EYS: variants seen among roughly 807,000 people sequenced by gnomAD.
EYS encodes EGF-like photoreceptor maintenance factor.
Under a neutral mutation model 282.1 loss-of-function variants are expected in EYS, and 250 were observed. That is an observed-to-expected ratio of 0.89 (90% CI 0.80 to 0.98). The LOEUF (loss-of-function observed/expected upper bound fraction) is 0.98. EYS is among the 50% of genes least tolerant of loss of function. EYS has a pLI of 0.00. For missense variants in EYS, 4,016 were observed against 3,709.0 expected (o/e 1.08, Z -2.15); for synonymous variants, 1,355 against 1,282.9 (o/e 1.06, Z -1.20).
chr6:65,357,428 T>C (rs1764529885), intron 8 of EYS, among the ~76,000 whole-genome samples: 1 of 151,962 alleles, frequency 6.6e-6, no homozygotes, highest in Admixed American at 6.6e-5. Context: ...ATGCAATCTA[T>C]TGAGTGAATA....
At chr6:64,363,218 T>C (rs1010600959) in intron 29 of EYS, among the ~76,000 whole-genome samples, 2 of 151,950 alleles carry the variant, frequency 1.3e-5, no homozygotes, top group Non-Finnish European at 2.9e-5. Flanking sequence ...GTCGATTTAA[T>C]CAACACTGAG....
chr6:64,430,654 T>C (rs774324860), intron 28 of EYS, among the ~76,000 whole-genome samples: 5 of 152,178 alleles, frequency 3.3e-5, no homozygotes, highest in Non-Finnish European at 5.9e-5. Flanking sequence ...ATCTTGTTTA[T>C]TCCACTTTGT....
intron 30 of EYS, among the ~76,000 whole-genome samples, chr6:64,245,417 C>T (rs548777348): frequency 5.4e-5 from 8 of 149,384 alleles, no homozygotes; most frequent in East Asian, 3.9e-4. Context: ...TGGGCTCAAG[C>T]GATCCTCTTA....
Position 64,945,863 on chromosome 6 carries a change from C to A in EYS, c.2311G>T (p.Glu771Ter), listed in dbSNP as rs760375583. The A allele has an allele frequency of 6.5e-7, 1 of 1,549,024 alleles. No homozygotes were observed. The highest frequency in any genetic ancestry group is 2.0e-5 in the Admixed American group (1 of 50,912). ...SDWEGNFCEQ[E>*]SNECKMNPCK... ...GGATTCATTTTACACTCATTGGATTCTTGTTCACAAAAATTTCCTTCCCAA... is the reference window on the plus strand; with the variant it reads ...GGATTCATTTTACACTCATTGGATTATTGTTCACAAAAATTTCCTTCCCAA... Residue 771 changes from glutamate to a stop codon, truncating the protein, a stop_gained, in exon 15 of 43, where the codon GAA becomes TAA. Coordinates refer to ENST00000503581, the MANE Select transcript of EYS (RefSeq NM_001142800.2). LOFTEE classifies it high-confidence loss of function.
intron 22 of EYS, among the ~76,000 whole-genome samples, chr6:64,777,339 TAA>T (rs1209290715): frequency 2.0e-5 from 3 of 152,138 alleles, no homozygotes; most frequent in Non-Finnish European, 4.4e-5. Flanking sequence ...AAGCACTTGA[TAA>T]ATAATGACCC....
intron 14 of EYS, among the ~76,000 whole-genome samples, chr6:64,958,376 C>T (rs571733787): frequency 1.7e-4 from 25 of 151,338 alleles, no homozygotes; most frequent in Non-Finnish European, 3.2e-4. Flanking sequence ...AGTGAGACTC[C>T]ATCTCAAAAA....
intron 13 of EYS, among the ~76,000 whole-genome samples, chr6:65,034,232 T>A (rs1349364358): frequency 6.6e-6 from 1 of 152,160 alleles, no homozygotes; most frequent in Middle Eastern, 3.2e-3. Flanking sequence ...CAGGATCACA[T>A]GTAGAAGGGA....
At chr6:64,240,813 C>A (rs918636449) in intron 30 of EYS, among the ~76,000 whole-genome samples, 1 of 152,130 alleles carries the variant, frequency 6.6e-6, no homozygotes, top group Non-Finnish European at 1.5e-5. Context: ...TGAGAGAGGG[C>A]AGCCTTGTCT....
intron 36 of EYS, among the ~76,000 whole-genome samples, chr6:63,832,251 C>A (rs994829374): frequency 7.9e-5 from 12 of 152,016 alleles, no homozygotes; most frequent in South Asian, 2.1e-4. Flanking sequence ...ACACAAAAAA[C>A]CCTTCAAAAA....
intron 26 of EYS, among the ~76,000 whole-genome samples, chr6:64,552,995 C>A (rs1765132539): frequency 6.6e-6 from 1 of 150,678 alleles, no homozygotes; most frequent in South Asian, 2.1e-4. Flanking sequence ...CCTCCCTACC[C>A]ACTTCAAGTT....
At chr6:65,174,183 C>A in intron 12 of EYS, among the ~76,000 whole-genome samples, 1 of 151,110 alleles carries the variant, frequency 6.6e-6, no homozygotes. Context: ...TTATAATGAC[C>A]ACTTTCTTAT....
intron 22 of EYS, among the ~76,000 whole-genome samples, chr6:64,714,175 T>C (rs1771297974): frequency 6.6e-6 from 1 of 152,204 alleles, no homozygotes; most frequent in Non-Finnish European, 1.5e-5. Context: ...AAATGTTTGA[T>C]AGACAATGAC....
At chr6:63,824,670 G>C (rs1771411147) in intron 36 of EYS, among the ~76,000 whole-genome samples, 1 of 152,094 alleles carries the variant, frequency 6.6e-6, no homozygotes, top group African/African-American at 2.4e-5. Context: ...AGGAGAAGTT[G>C]CCGAGTTTAC....
intron 40 of EYS, among the ~76,000 whole-genome samples, 168 bp from the exon 41 acceptor site, chr6:63,762,801 T>C (rs1769679097): frequency 6.6e-6 from 1 of 152,122 alleles, no homozygotes; most frequent in Non-Finnish European, 1.5e-5. Flanking sequence ...TAACTGGTTA[T>C]AGGATTACTG....
chr6:64,321,356 T>A (rs1263328394), intron 29 of EYS, among the ~76,000 whole-genome samples: 1 of 151,858 alleles, frequency 6.6e-6, no homozygotes, highest in Non-Finnish European at 1.5e-5. Context: ...TATTCATTGA[T>A]AATATAATCA....
intron 31 of EYS, 26 bp from the exon 32 acceptor site, chr6:64,082,028 G>C: frequency 7.0e-7 from 1 of 1,438,610 alleles, no homozygotes; most frequent in Non-Finnish European, 9.5e-7. Context: ...GTATTAATAT[G>C]TTCTGATAGC....
intron 2 of EYS, among the ~76,000 whole-genome samples, chr6:65,509,771 G>T (rs985112979): frequency 2.2e-4 from 34 of 152,008 alleles, no homozygotes; most frequent in Admixed American, 7.2e-4. Context: ...TGTCAATATG[G>T]TGAAATACAG....
chr6:65,193,558 A>G (rs1431733110), intron 12 of EYS, among the ~76,000 whole-genome samples: 1 of 151,742 alleles, frequency 6.6e-6, no homozygotes, highest in African/African-American at 2.4e-5. Flanking sequence ...AAATAAGAAC[A>G]AGTTCTGTAT....
chr6:64,662,231 T>G (rs2149889073), intron 22 of EYS, among the ~76,000 whole-genome samples: 4 of 82,700 alleles, frequency 4.8e-5, no homozygotes, highest in East Asian at 4.5e-4. Context: ...TGGGGCCTGT[T>G]GTGGGGTGGG....
Sources: gnomAD v4.1 joint callset for allele counts (sites outside exome capture counted in the v4.1 genomes callset) on GRCh38, gnomAD v4.1.1 for gene constraint, MANE v1.5 for transcripts, NCBI Gene and HGNC (gene_info 2026-07-23, HGNC 2026-07-21) for gene names.